PHF21B: variants seen among roughly 807,000 people sequenced by gnomAD.
PHF21B encodes the protein PHD finger protein 4.
Under a neutral mutation model 62.2 loss-of-function variants are expected in PHF21B, and 22 were observed. The ratio of observed to expected loss-of-function variants is 0.35; its 90% CI spans 0.25 to 0.51. The LOEUF (loss-of-function observed/expected upper bound fraction) is 0.51. PHF21B is among the 20% of genes least tolerant of loss of function. The probability of loss-of-function intolerance (pLI) is 0.97; values close to 1 mark genes in which losing one functional copy is unlikely to be tolerated. For synonymous variants in PHF21B, 341 were observed against 314.7 expected (o/e 1.08, Z -0.88); for missense variants, 701 against 707.9 (o/e 0.99, Z 0.11).
At chr22:44,966,598 C>G (rs969995954) in intron 2 of PHF21B, among the ~76,000 whole-genome samples, 1 of 152,078 alleles carries the variant, frequency 6.6e-6, no homozygotes, top group Non-Finnish European at 1.5e-5. Context: ...AGCCAGAAGT[C>G]CCCCCTTCAG....
At chr22:44,884,588 C>T (rs2070817332) in intron 12 of PHF21B, among the ~76,000 whole-genome samples, 1 of 151,736 alleles carries the variant, frequency 6.6e-6, no homozygotes, top group Non-Finnish European at 1.5e-5. Flanking sequence ...CTGTGATCAG[C>T]ACCATCAACA....
At chr22:44,887,875 T>C (rs905723906) in intron 10 of PHF21B, 88 bp downstream of exon 10, 26 of 1,297,438 alleles carry the variant, frequency 2.0e-5, no homozygotes, top group Non-Finnish European at 2.6e-5. Flanking sequence ...CCCAAGCCCC[T>C]TTTTTCACCC....
At chr22:44,987,458 C>T (rs1382267609) in intron 2 of PHF21B, among the ~76,000 whole-genome samples, 1 of 152,184 alleles carries the variant, frequency 6.6e-6, no homozygotes, top group Non-Finnish European at 1.5e-5. Flanking sequence ...GGCGTGCACT[C>T]AGATCACCTC....
At chr22:44,956,698 G>T (rs930796695) in intron 2 of PHF21B, among the ~76,000 whole-genome samples, 4 of 152,092 alleles carry the variant, frequency 2.6e-5, no homozygotes, top group African/African-American at 7.2e-5. Flanking sequence ...GGACCATGAG[G>T]CCTGACCACC....
chr22:44,933,716 AAGAGAGAG>A lies in PHF21B; in HGVS notation c.121-13234_121-13227del, dbSNP rs752277912. Among the ~76,000 whole-genome samples, 31 of 148,356 alleles carry A rather than the reference AAGAGAGAG, an allele frequency of 2.1e-4. 1 individual carries two copies. Among genetic ancestry groups the A allele is most frequent in the African/African-American group, 5.4e-4 (22 of 40,542 alleles). The stretch of plus-strand genomic sequence containing the variant: ...AGTATCTGGAGCTCTTCGTGCAGAT[AAGAGAGAG>A]AGAGAGAGAGAGACAGACAGACAGA... On this transcript the variant is annotated intron_variant, in intron 2 of 12. Coordinates refer to ENST00000313237, the MANE Select transcript of PHF21B (RefSeq NM_138415.5).
At chr22:44,907,731 G>A (rs1020554855) in intron 5 of PHF21B, among the ~76,000 whole-genome samples, 11 of 152,322 alleles carry the variant, frequency 7.2e-5, no homozygotes, top group South Asian at 2.1e-4. Context: ...TGCACAACAC[G>A]CTGAAACAGA....
chr22:44,933,140 T>C (rs1267242458), intron 2 of PHF21B, among the ~76,000 whole-genome samples: 1 of 143,250 alleles, frequency 7.0e-6, no homozygotes, highest in Non-Finnish European at 1.5e-5. Context: ...TGAGATGGAG[T>C]CTCACTCTGT....
chr22:44,991,368 AAAC>A (rs2073040095), intron 2 of PHF21B, among the ~76,000 whole-genome samples: 1 of 152,128 alleles, frequency 6.6e-6, no homozygotes, highest in Non-Finnish European at 1.5e-5. Context: ...GGTGCCTGGA[AAAC>A]CCACTGTGTG....
At chr22:44,942,185 G>C (rs906337963) in intron 2 of PHF21B, among the ~76,000 whole-genome samples, 1 of 152,188 alleles carries the variant, frequency 6.6e-6, no homozygotes, top group African/African-American at 2.4e-5. Flanking sequence ...GCCAGACTCG[G>C]GACAGGAGCA....
intron 5 of PHF21B, among the ~76,000 whole-genome samples, chr22:44,903,750 G>C (rs900452778): frequency 3.9e-5 from 6 of 152,178 alleles, no homozygotes; most frequent in Non-Finnish European, 8.8e-5. Context: ...ACTTAAGTTC[G>C]TGACTGTTAA....
intron 2 of PHF21B, among the ~76,000 whole-genome samples, chr22:44,997,005 C>T (rs550798779): frequency 9.8e-5 from 15 of 152,318 alleles, no homozygotes; most frequent in African/African-American, 3.1e-4. Context: ...CTCCACGTCA[C>T]GCATTATGTT....
At chr22:44,990,774 A>G (rs1288441321) in intron 2 of PHF21B, among the ~76,000 whole-genome samples, 1 of 152,232 alleles carries the variant, frequency 6.6e-6, no homozygotes, top group African/African-American at 2.4e-5. Flanking sequence ...CAGCGTGAAT[A>G]TATCTAATGT....
At chr22:44,903,998 TTTTCATTTCC>T (rs931938042) in intron 5 of PHF21B, among the ~76,000 whole-genome samples, 1 of 152,210 alleles carries the variant, frequency 6.6e-6, no homozygotes, top group African/African-American at 2.4e-5. Flanking sequence ...AGTGTATCCT[TTTTCATTTCC>T]TACTTCTTGG....
At chr22:44,887,063 G>A (rs948409922) in intron 10 of PHF21B, among the ~76,000 whole-genome samples, 14 of 151,478 alleles carry the variant, frequency 9.2e-5, no homozygotes, top group African/African-American at 3.4e-4. Context: ...GGCTGAAGCA[G>A]GAGAATCGCT....
intron 2 of PHF21B, among the ~76,000 whole-genome samples, chr22:44,960,989 T>C (rs561844073): frequency 1.4e-5 from 2 of 144,362 alleles, no homozygotes; most frequent in African/African-American, 5.1e-5. Flanking sequence ...AGGAGTCTCA[T>C]TCTGTCACCC....
intron 2 of PHF21B, among the ~76,000 whole-genome samples, chr22:44,987,499 G>T (rs180926493): frequency 6.6e-6 from 1 of 152,128 alleles, no homozygotes; most frequent in South Asian, 2.1e-4. Context: ...GCGGTGCAAG[G>T]GTGCTTAATA....
chr22:44,952,013 G>A (rs1161123287), intron 2 of PHF21B, among the ~76,000 whole-genome samples: 1 of 152,210 alleles, frequency 6.6e-6, no homozygotes, highest in East Asian at 1.9e-4. Flanking sequence ...AAACTTCTCT[G>A]TGATGGTGCT....
intron 2 of PHF21B, among the ~76,000 whole-genome samples, chr22:44,988,510 A>G (rs527705545): frequency 2.6e-5 from 4 of 152,320 alleles, no homozygotes; most frequent in African/African-American, 4.8e-5. Context: ...AGAAAAAAAT[A>G]TAACTTCATC....
intron 2 of PHF21B, among the ~76,000 whole-genome samples, chr22:44,937,346 CAT>C (rs2071870103): frequency 1.3e-5 from 2 of 152,202 alleles, no homozygotes; most frequent in African/African-American, 4.8e-5. Context: ...GAGACGGAGA[CAT>C]CACAGCCAGG....
Sources: allele counts gnomAD v4.1 joint callset (sites outside exome capture counted in the v4.1 genomes callset), GRCh38; gene constraint gnomAD v4.1.1; transcripts MANE v1.5; gene names NCBI Gene and HGNC (gene_info 2026-07-23, HGNC 2026-07-21).